TTN: variants seen among roughly 807,000 people sequenced by gnomAD.
TTN encodes connectin.
A neutral mutation model predicts 3,223.0 loss-of-function variants in TTN; 1,525 were observed. The observed-to-expected ratio is 0.47, with a 90% CI of 0.45 to 0.49. The LOEUF is 0.49. Among genes scored for constraint, TTN ranks in the 20% least tolerant of loss-of-function variants. The pLI is 0.00. For missense variants in TTN, 40,786 were observed against 43,424.0 expected (o/e 0.94, Z 5.40); for synonymous variants, 14,094 against 15,161.0 (o/e 0.93, Z 5.17).
chr2:178,640,655 G>T, intron 220 of TTN, 25 bp from the exon 221 acceptor site: 2 of 1,534,194 alleles, frequency 1.3e-6, no homozygotes, highest in Non-Finnish European at 1.8e-6. Flanking sequence ...TATTTTTTCA[G>T]TGTTAATATT....
chr2:178,630,958 G>A lies in TTN; in HGVS notation c.44015-15C>T. On this transcript the variant is annotated splice_polypyrimidine_tract_variant and intron_variant, in intron 237 of 362. Transcript: ENST00000589042. ...AATTTCCCGATCTAGAAAAGTGAAG[G>A]GCCAGCATGGGTCATTAGCCTCTGG... The A allele has an allele frequency of 6.2e-7, 1 of 1,611,880 alleles. No individual in the cohort carries two copies. The highest frequency in any genetic ancestry group is 8.5e-7 in the Non-Finnish European group (1 of 1,179,264).
chr2:178,642,210 T>A, intron 219 of TTN, 27 bp downstream of exon 219: 1 of 1,549,800 alleles, frequency 6.5e-7, no homozygotes, highest in Non-Finnish European at 8.7e-7. Context: ...TACTTAACGC[T>A]GACAGAATGG....
chr2:178,697,525 T>C (rs991052485), intron 112 of TTN, among the ~76,000 whole-genome samples: 1 of 152,172 alleles, frequency 6.6e-6, no homozygotes, highest in African/African-American at 2.4e-5. Context: ...ACATTAGACT[T>C]TTTCAATTAT....
Position 178,528,243 on chromosome 2 carries a change from A to G in TTN, c.107377+31T>C, listed in dbSNP as rs72629792. ...AAAAAACGATCTAAAGGCCTTAAACATGTAAGGAAGAAGGGTGAGGAGATA... is the reference window on the plus strand; with the variant it reads ...AAAAAACGATCTAAAGGCCTTAAACGTGTAAGGAAGAAGGGTGAGGAGATA... On this transcript the variant is annotated intron_variant, in intron 361 of 362. Transcript: ENST00000589042. 1.2e-3 allele frequency: 1,919 copies of G among 1,602,626 alleles called. 23 individuals are homozygous for G. In the African/African-American group the frequency reaches 0.023, roughly 19 times the overall value.
chr2:178,734,817 T>C lies in TTN; in HGVS notation c.15107A>G (p.Glu5036Gly). The C allele has an allele frequency of 6.2e-7, 1 of 1,613,856 alleles. No homozygotes were observed. Among genetic ancestry groups the C allele is most frequent in the Non-Finnish European group, 8.5e-7 (1 of 1,179,780 alleles). ...TACATCCGTAATATCAAGTATAGCC[T>C]CAGAATTGACAAAATACATTCGGAC... Reference protein sequence around the residue: ...NTVRMYFVNSEAILDITDVKV... With the variant: ...NTVRMYFVNSGAILDITDVKV... The change falls in exon 51 of 363, where the codon GAG (glutamate) becomes GGG (glycine). Residue 5036 changes from glutamate (E) to glycine (G), a missense_variant. Coordinates refer to ENST00000589042, the MANE Select transcript of TTN (RefSeq NM_001267550.2).
In TTN at chr2:178,596,840, G is replaced by A. The variant is rs6738296; in HGVS notation, c.57544+698C>T. 7.7e-3 allele frequency among the ~76,000 whole-genome samples: 1,176 copies of A among 152,092 alleles called. 19 individuals carry two copies. The highest frequency in any genetic ancestry group is 0.027 in the African/African-American group (1,127 of 41,500). On this transcript the variant is annotated intron_variant, in intron 294 of 362. Transcript: ENST00000589042. Reference sequence around the variant, plus strand: ...TGAGTGGAAAGGCTTCGTGTTCTGAGCAAATCACTGGACTAAAGCCTCCAG... The same window carrying A: ...TGAGTGGAAAGGCTTCGTGTTCTGAACAAATCACTGGACTAAAGCCTCCAG...
intron 103 of TTN, 36 bp downstream of exon 103, chr2:178,705,138 C>G: frequency 6.3e-7 from 1 of 1,599,652 alleles, no homozygotes; most frequent in South Asian, 1.1e-5. Context: ...TTAAATGTGA[C>G]TTTTTTAGCA....
Position 178,717,270 on chromosome 2 carries a change from A to G in TTN, c.25464T>C (p.Thr8488=), listed in dbSNP as rs776027230. The change falls in exon 88 of 363, where the codon ACT becomes ACC. Residue 8488 remains threonine, a synonymous_variant. Coordinates refer to ENST00000589042, the MANE Select transcript of TTN (RefSeq NM_001267550.2). Reference sequence around the variant, plus strand: ...GAATCTCTCGGTTATCTTTGGCCCAAGTGATTTTGATTGGTGCAGTCCCAG... The same window carrying G: ...GAATCTCTCGGTTATCTTTGGCCCAGGTGATTTTGATTGGTGCAGTCCCAG... ...HVTGTAPIKI[T]WAKDNREIRP... is the part of the protein sequence containing the mutation. The G allele has an allele frequency of 8.7e-6, 14 of 1,613,664 alleles. No homozygotes were observed. Among genetic ancestry groups the G allele is most frequent in the East Asian group, 2.2e-5 (1 of 44,868 alleles).
rs373150402 is a variant in TTN, at chr2:178,590,773, C to T, written c.60952G>A (p.Val20318Met). Residue 20318 changes from valine to methionine, a missense_variant, in exon 304 of 363, where the codon GTG (valine) becomes ATG (methionine). Transcript: ENST00000589042. ...GCGATAGGTGTTTTGTTGACCCTCACCCATTTGCCAGTTACTTCTCGACGT... is the reference window on the plus strand; with the variant it reads ...GCGATAGGTGTTTTGTTGACCCTCATCCATTTGCCAGTTACTTCTCGACGT... ...MERREVTGKWVRVNKTPIADL... is the reference protein window; with the variant it reads ...MERREVTGKWMRVNKTPIADL... 1.2e-6 allele frequency: 2 copies of T among 1,607,214 alleles called. No individual in the cohort carries two copies. Among genetic ancestry groups the T allele is most frequent in the African/African-American group, 1.3e-5 (1 of 74,894 alleles).
chr2:178,607,960 C>T lies in TTN; in HGVS notation c.52827G>A (p.Gln17609=). The T allele has an allele frequency of 2.5e-6, 4 of 1,612,984 alleles. No homozygotes were observed. Among genetic ancestry groups the T allele is most frequent in the Non-Finnish European group, 2.5e-6 (3 of 1,179,308 alleles). ...GEIVGYFVDK[Q]LVGTNEWSRC... ...GTGACCATTCATTTGTGCCAACCAACTGCTTATCAACAAAATAGCCAACAA... is the reference window on the plus strand; with the variant it reads ...GTGACCATTCATTTGTGCCAACCAATTGCTTATCAACAAAATAGCCAACAA... Residue 17609 remains glutamine, a synonymous_variant, in exon 276 of 363, where the codon CAG becomes CAA. Transcript: ENST00000589042.
intron 152 of TTN, 110 bp from the exon 153 acceptor site, chr2:178,672,813 C>T: frequency 1.2e-6 from 1 of 843,696 alleles, no homozygotes; most frequent in Non-Finnish European, 1.8e-6. Context: ...TTTCAGAAGT[C>T]ACTCTGTACT....
At position 178,765,148 on chromosome 2, in the gene TTN, C is replaced by T. The variant is rs186724443; in HGVS notation, c.9704-337G>A. ...CCTGAATGAATTATACAATAACTTC[C>T]GTGTGCTACCTATTTTTAAAATTCA... On this transcript the variant is annotated intron_variant, in intron 41 of 362. Transcript: ENST00000589042. 4.6e-5 allele frequency among the ~76,000 whole-genome samples: 7 copies of T among 152,222 alleles called. No homozygotes were observed. The East Asian group carries it at 1.2e-3, about 25-fold the overall frequency.
At position 178,694,478 on chromosome 2, in the gene TTN, G is replaced by A. The variant is rs1238371974; in HGVS notation, c.31426+121C>T. 1.0e-5 allele frequency: 6 copies of A among 591,910 alleles called. No homozygotes were observed. The East Asian group carries it at 1.5e-4, about 15-fold the overall frequency. The allele number at this position is 591,910 out of a possible 1,614,324, so 36.7% of individuals were successfully genotyped here. A position where few individuals can be genotyped will look rare whatever the true frequency, so the allele number is the denominator to read the frequency against. On this transcript the variant is annotated intron_variant, in intron 117 of 362. Coordinates refer to ENST00000589042, the MANE Select transcript of TTN (RefSeq NM_001267550.2). ...CAACTCAACATAAAATTTGTATTAT[G>A]TAAAAATGTGCTGTTTTTGGTCGTT...
At position 178,543,583 on chromosome 2, in the gene TTN, C is replaced by T. The variant is rs200999706; in HGVS notation, c.96390G>A (p.Thr32130=). 65 of 1,608,136 alleles carry T rather than the reference C, an allele frequency of 4.0e-5. No homozygotes were observed. Among genetic ancestry groups the T allele is most frequent in the Non-Finnish European group, 5.1e-5 (60 of 1,179,620 alleles). Residue 32130 remains threonine (T), a synonymous_variant, in exon 347 of 363, where the codon ACG becomes ACA. Transcript: ENST00000589042. ...DSVTITWEIP[T]IDGGAPVNNY... ...TGTTGACTGGAGCTCCACCATCAAT[C>T]GTGGGAATTTCCCAAGTTATAGTCA...
chr2:178,560,328 TG>T lies in TTN; in HGVS notation c.85803del (p.Asn28601LysfsTer8). On this transcript the variant is annotated frameshift_variant, in exon 326 of 363. Coordinates refer to ENST00000589042, the MANE Select transcript of TTN (RefSeq NM_001267550.2). LOFTEE classifies it high-confidence loss of function. ...ACTCTTAGATCATAAACTGGTTTTT[TG>T]TTTACACGCACCCATCTTAGGCTAT... Reference protein sequence around the residue: ...EKNSLRWVRVNKKPVYDLRVK... With the variant: ...EKNSLRWVRVXKKPVYDLRVK... 1 of 1,613,820 alleles carries T rather than the reference TG, an allele frequency of 6.2e-7. No homozygotes were observed. Among genetic ancestry groups the T allele is most frequent in the Non-Finnish European group, 8.5e-7 (1 of 1,179,798 alleles).
Position 178,543,199 on chromosome 2 carries a change from T to C in TTN, c.96774A>G (p.Thr32258=). The change falls in exon 347 of 363, where the codon ACA becomes ACG. Residue 32258 remains threonine, a synonymous_variant. Transcript: ENST00000589042. ...RWMKVVTLKP[T]VLEHTVTSLN... ...AGGAAGTAACAGTGTGCTCTAGGACTGTGGGTTTTAAGGTGACAACCTTCA... is the reference window on the plus strand; with the variant it reads ...AGGAAGTAACAGTGTGCTCTAGGACCGTGGGTTTTAAGGTGACAACCTTCA... The C allele has an allele frequency of 6.2e-7, 1 of 1,613,840 alleles. No individual in the cohort carries two copies. The highest frequency in any genetic ancestry group is 8.5e-7 in the Non-Finnish European group (1 of 1,179,768).
intron 308 of TTN, 65 bp downstream of exon 308, chr2:178,586,440 T>C: frequency 1.9e-6 from 3 of 1,570,362 alleles, no homozygotes; most frequent in Non-Finnish European, 1.7e-6. Context: ...GAGAAATGTC[T>C]ACATATAAAA....
In TTN at chr2:178,561,037, G is replaced by A. The variant is rs371602289; in HGVS notation, c.85095C>T (p.Asp28365=). The change falls in exon 326 of 363, where the codon GAC becomes GAT. Residue 28365 remains aspartate (D), a synonymous_variant. Coordinates refer to ENST00000589042, the MANE Select transcript of TTN (RefSeq NM_001267550.2). ...CCTCTCCAGCTTTGACAACAATAAC[G>A]TCTCGGAACTTGACATCCATCATAA... The part of the protein sequence containing the change: ...PRVMMDVKFR[D]VIVVKAGEVL... 3.2e-5 allele frequency: 52 copies of A among 1,613,670 alleles called. No homozygotes were observed. Among genetic ancestry groups the A allele is most frequent in the African/African-American group, 5.3e-5 (4 of 74,882 alleles).
At position 178,733,386 on chromosome 2, in the gene TTN, C is replaced by T. The variant is rs72648934; in HGVS notation, c.15907G>A (p.Ala5303Thr). 2.0e-5 allele frequency: 32 copies of T among 1,613,748 alleles called. No individual in the cohort carries two copies. The South Asian group carries it at 2.3e-4, about 12-fold the overall frequency. ...AAACTTATTCGGTATTTTTTACTGG[C>T]GACCAAGGGTCTCCCATCTTTGTAC... The part of the protein sequence containing the change: ...KWYKDGRPLV[A>T]SKKYRISFKN... The change falls in exon 54 of 363, where the codon GCC (alanine) becomes ACC (threonine). Residue 5303 changes from alanine to threonine, a missense_variant. By Grantham distance (58) the Ala-to-Thr change is moderately conservative. Transcript: ENST00000589042.
Sources: gnomAD v4.1 joint callset for allele counts (sites outside exome capture counted in the v4.1 genomes callset) on GRCh38, gnomAD v4.1.1 for gene constraint, MANE v1.5 for transcripts, NCBI Gene and HGNC (gene_info 2026-07-23, HGNC 2026-07-21) for gene names.